The following CCSER2 variants were observed in gnomAD, a reference collection of about 807,000 sequenced individuals.
The protein encoded by CCSER2 is serine-rich coiled-coil domain-containing protein 2.
Under a neutral mutation model 92.3 loss-of-function variants are expected in CCSER2, and 46 were observed. That is an observed-to-expected ratio of 0.50 (90% CI 0.39 to 0.64). The LOEUF is 0.64. Among genes scored for constraint, CCSER2 ranks in the 30% least tolerant of loss-of-function variants. CCSER2 has a pLI of 0.00. For synonymous variants in CCSER2, 433 were observed against 431.4 expected (o/e 1.00, Z -0.04); for missense variants, 1,244 against 1,238.9 (o/e 1.00, Z -0.06).
chr10:84,474,453 G>A (rs576872755), intron 8 of CCSER2, among the ~76,000 whole-genome samples: 1 of 152,168 alleles, frequency 6.6e-6, no homozygotes, highest in South Asian at 2.1e-4. Context: ...CTGAGGTCAG[G>A]AGTTCGAGAC....
intron 1 of CCSER2, among the ~76,000 whole-genome samples, chr10:84,370,473 A>T (rs1846002911): frequency 6.6e-6 from 1 of 151,994 alleles, no homozygotes; most frequent in African/African-American, 2.4e-5. Flanking sequence ...TGATTTTGCA[A>T]CCTGTGACTT....
chr10:84,457,640 ATT>A (rs1268128610), intron 6 of CCSER2, among the ~76,000 whole-genome samples: 5 of 89,526 alleles, frequency 5.6e-5, no homozygotes, highest in South Asian at 3.3e-4. Flanking sequence ...ATTATATATA[ATT>A]ATATATAATT....
chr10:84,454,568 TAGA>T (rs1195734939), intron 6 of CCSER2: 2 of 152,424 alleles, frequency 1.3e-5, no homozygotes, highest in East Asian at 1.9e-4. Context: ...TGCTTTTACT[TAGA>T]AGAAGGCTGT....
chr10:84,480,081 G>T (rs765474700), intron 9 of CCSER2, among the ~76,000 whole-genome samples: 2 of 152,150 alleles, frequency 1.3e-5, no homozygotes, highest in Non-Finnish European at 2.9e-5. Context: ...GTCTTGGTCT[G>T]TCACCCAGGC....
At chr10:84,505,170 A>G (rs1041369027) in intron 9 of CCSER2, among the ~76,000 whole-genome samples, 2 of 152,076 alleles carry the variant, frequency 1.3e-5, no homozygotes, top group African/African-American at 4.8e-5. Flanking sequence ...ATATTTCTTG[A>G]AATTAACATT....
At position 84,515,897 on chromosome 10, in the gene CCSER2, T is replaced by G. The variant is rs1849584138; in HGVS notation, c.*1630T>G. On this transcript the variant is annotated 3_prime_UTR_variant, in exon 10 of 10. Transcript: ENST00000372088. Reference sequence around the variant, plus strand: ...AAACCTAATTATGCTTTGGGTCACTTGTCAGTTCAGTAAATCTGCCTTCCT... The same window carrying G: ...AAACCTAATTATGCTTTGGGTCACTGGTCAGTTCAGTAAATCTGCCTTCCT... 1 of 152,222 alleles carries G rather than the reference T, an allele frequency of 6.6e-6. No homozygotes were observed. The highest frequency in any genetic ancestry group is 1.5e-5 in the Non-Finnish European group (1 of 68,042). 9.4% of individuals were successfully genotyped at this position (152,222 alleles called of 1,614,324 possible). A position where few individuals can be genotyped will look rare whatever the true frequency, so the allele number is the denominator to read the frequency against.
At chr10:84,329,129 G>A (rs895365699) in intron 1 of CCSER2, among the ~76,000 whole-genome samples, 2 of 152,156 alleles carry the variant, frequency 1.3e-5, no homozygotes, top group South Asian at 2.1e-4. Context: ...GAGCCTGGTT[G>A]CGTGTGAGGG....
At position 84,332,091 on chromosome 10, in the gene CCSER2, T is replaced by G. The variant is rs138677949; in HGVS notation, c.-40+3283T>G. Among the ~76,000 whole-genome samples the G allele has an allele frequency of 2.7e-4, 41 of 152,286 alleles. No homozygotes were observed. In the South Asian group the frequency reaches 5.4e-3, roughly 20 times the overall value. ...TTACTAGATTTACTTCTAAAAGATA[T>G]TGATTTACAGACTCCAGTAGAGTTT... On this transcript the variant is annotated intron_variant, in intron 1 of 9. Transcript: ENST00000372088.
rs1201387620 is a variant in CCSER2, at chr10:84,363,737, C to T, written c.-39-7277C>T. Among the ~76,000 whole-genome samples the T allele has an allele frequency of 2.6e-5, 4 of 152,180 alleles. No homozygotes were observed. The East Asian group carries it at 7.7e-4, about 29-fold the overall frequency. On this transcript the variant is annotated intron_variant, in intron 1 of 9. Transcript: ENST00000372088. ...GGTCCTTTGCAGTCTTTATGGTTTT[C>T]CTCTGACATTAGCCATTCAGTCCCT...
intron 3 of CCSER2, among the ~76,000 whole-genome samples, chr10:84,398,537 C>G (rs981749908): frequency 2.6e-5 from 4 of 152,034 alleles, no homozygotes; most frequent in Admixed American, 6.6e-5. Context: ...TTGTTTGTGC[C>G]TTTTGAAAGG....
intron 6 of CCSER2, chr10:84,455,464 C>T (rs1031559942): frequency 7.4e-5 from 20 of 270,566 alleles, no homozygotes; most frequent in East Asian, 2.1e-4. Flanking sequence ...TTAGTAGAGA[C>T]GAGCTTTTGC....
At chr10:84,349,205 T>G (rs1424390811) in intron 1 of CCSER2, among the ~76,000 whole-genome samples, 3 of 152,228 alleles carry the variant, frequency 2.0e-5, no homozygotes, top group Non-Finnish European at 4.4e-5. Context: ...GGATTCCTGT[T>G]TTGATCCACA....
At chr10:84,406,456 A>G (rs980509182) in intron 3 of CCSER2, among the ~76,000 whole-genome samples, 3 of 152,190 alleles carry the variant, frequency 2.0e-5, no homozygotes, top group African/African-American at 7.2e-5. Flanking sequence ...AAACATTTGT[A>G]GTGGAGGAGA....
intron 8 of CCSER2, among the ~76,000 whole-genome samples, chr10:84,476,813 G>T (rs1847177356): frequency 6.6e-6 from 1 of 152,088 alleles, no homozygotes; most frequent in Non-Finnish European, 1.5e-5. Context: ...AAGTTACTTT[G>T]TGTTATATAA....
Position 84,372,277 on chromosome 10 carries a change from G to A in CCSER2, c.1225G>A (p.Asp409Asn). 1.2e-6 allele frequency: 2 copies of A among 1,613,030 alleles called. No individual in the cohort carries two copies. Among genetic ancestry groups the A allele is most frequent in the South Asian group, 1.1e-5 (1 of 90,996 alleles). ...LSSLSSSDKN[D>N]LSEDFSDDFI... ...GTCTTTGTCATCTTCTGATAAGAAT[G>A]ATTTAAGTGAAGACTTTAGTGATGA... The change falls in exon 2 of 10, where the codon GAT (aspartate) becomes AAT (asparagine). Residue 409 changes from aspartate (D) to asparagine (N), a missense_variant. Physicochemically the swap from Asp to Asn is conservative, Grantham distance 23. Coordinates refer to ENST00000372088, the MANE Select transcript of CCSER2 (RefSeq NM_001284240.2).
chr10:84,359,730 G>T (rs1445433840), intron 1 of CCSER2, among the ~76,000 whole-genome samples: 1 of 151,954 alleles, frequency 6.6e-6, no homozygotes, highest in Non-Finnish European at 1.5e-5. Context: ...AGAGAAGGAG[G>T]ATAATGTGGA....
At chr10:84,379,005 G>A (rs1846497659) in intron 3 of CCSER2, among the ~76,000 whole-genome samples, 1 of 152,180 alleles carries the variant, frequency 6.6e-6, no homozygotes, top group Admixed American at 6.5e-5. Flanking sequence ...GAGTTGAGAA[G>A]TGTTTCTTAT....
At chr10:84,471,582 A>T (rs1194992124) in intron 8 of CCSER2, among the ~76,000 whole-genome samples, 2 of 152,226 alleles carry the variant, frequency 1.3e-5, no homozygotes, top group African/African-American at 4.8e-5. Flanking sequence ...TAATGTCTTG[A>T]CAGACCCAGT....
At chr10:84,336,760 TTGTTA>T (rs1293938238) in intron 1 of CCSER2, among the ~76,000 whole-genome samples, 10 of 152,202 alleles carry the variant, frequency 6.6e-5, no homozygotes, top group African/African-American at 2.2e-4. Context: ...GAGTTTTGAC[TTGTTA>T]TAAGTAGAAC....
Sources: allele counts gnomAD v4.1 joint callset (sites outside exome capture counted in the v4.1 genomes callset), GRCh38; gene constraint gnomAD v4.1.1; transcripts MANE v1.5; gene names NCBI Gene and HGNC (gene_info 2026-07-23, HGNC 2026-07-21).